MICAL2: variants seen among roughly 807,000 people sequenced by gnomAD.
The protein encoded by MICAL2 is [F-actin]-monooxygenase MICAL2.
MICAL2 carries 77 observed loss-of-function variants against 127.3 expected under a neutral mutation model. The observed-to-expected ratio is 0.60, with a 90% confidence interval of 0.50 to 0.73. The LOEUF is 0.73. Ranked by LOEUF, MICAL2 falls within the 30% of genes least tolerant of loss-of-function variation. The pLI, the probability that MICAL2 is intolerant of heterozygous loss-of-function variation, is 0.00. For missense variants in MICAL2, 1,351 were observed against 1,434.4 expected, an observed-to-expected ratio of 0.94 and a Z score of 0.94; for synonymous variants, 570 against 551.1, an observed-to-expected ratio of 1.03 and a Z score of -0.48.
intron 1 of MICAL2, among the ~76,000 whole-genome samples, chr11:12,136,453 C>T (rs1450259726): frequency 2.0e-5 from 3 of 152,106 alleles, no homozygotes; most frequent in Non-Finnish European, 4.4e-5. Flanking sequence ...GTGTTAACTA[C>T]CCAAGGCAAT....
chr11:12,239,673 C>T lies in MICAL2; in HGVS notation c.2214+88C>T, dbSNP rs184630543. On this transcript the variant is annotated intron_variant, in intron 17 of 27. Transcript: ENST00000683283. The stretch of plus-strand genomic sequence containing the variant: ...GGCTGCTGATAGACTTCAGATATGC[C>T]AGCCAGGCCTGGTCCCAAGGAGACT... 544 of 1,483,372 alleles carry T rather than the reference C, an allele frequency of 3.7e-4. 5 individuals carry two copies. The South Asian group carries it at 5.5e-3, about 15-fold the overall frequency. 91.9% of individuals were successfully genotyped at this position (1,483,372 alleles called of 1,614,324 possible).
rs1442492535 is a variant in MICAL2, at chr11:12,131,153, C to T, written c.-148-7237C>T. ...CTAAAAATACAAAAAATTAGCCGGG[C>T]GCGGTGGCGGGCGCCTGTAGTCCCA... On this transcript the variant is annotated intron_variant, in intron 1 of 27. Coordinates refer to ENST00000683283, the MANE Select transcript of MICAL2 (RefSeq NM_001282663.2). 2.3e-5 allele frequency among the ~76,000 whole-genome samples: 2 copies of T among 87,298 alleles called. 1 individual carries two copies. The highest frequency in any genetic ancestry group is 5.6e-5 in the Non-Finnish European group (2 of 35,978). 57.3% of individuals were successfully genotyped at this position (87,298 alleles called of 152,430 possible).
intron 8 of MICAL2, 73 bp downstream of exon 8, chr11:12,216,392 TGTC>T (rs1262751435): frequency 1.7e-6 from 2 of 1,182,300 alleles, no homozygotes; most frequent in East Asian, 4.7e-5. Context: ...TGAAGGCAGA[TGTC>T]GTCCTGCCAG....
upstream of MICAL2, among the ~76,000 whole-genome samples, chr11:12,272,603 ATGTAATAAGCCTCCCCAGTCTCAG>A (rs1863685642): frequency 6.6e-6 from 1 of 152,188 alleles, no homozygotes; most frequent in Non-Finnish European, 1.5e-5. Flanking sequence ...CAGTCATTCT[ATGTAATAAGCCTCCCCAGTCTCAG>A]TGGCATATGG....
At position 12,199,310 on chromosome 11, in the gene MICAL2, C is replaced by A. The variant is rs180891337; in HGVS notation, c.265-4940C>A. Among the ~76,000 whole-genome samples the A allele has an allele frequency of 5.9e-5, 9 of 152,198 alleles. No homozygotes were observed. In the East Asian group the frequency reaches 1.6e-3, roughly 26 times the overall value. ...TGCCTGGCAAATAGAATGTGCCAGG[C>A]ACCGTGCAGTTAGGTCTCACAACTG... On this transcript the variant is annotated intron_variant, in intron 3 of 27. Transcript: ENST00000683283.
intron 29 of MICAL2, among the ~76,000 whole-genome samples, chr11:12,316,670 C>G (rs1864234792): frequency 6.6e-6 from 1 of 152,024 alleles, no homozygotes; most frequent in Non-Finnish European, 1.5e-5. Context: ...GATTATCAGA[C>G]TTGTCCTGCT....
intron 3 of MICAL2, 119 bp from the exon 4 acceptor site, chr11:12,204,131 G>C: frequency 1.1e-6 from 1 of 898,078 alleles, no homozygotes; most frequent in South Asian, 1.6e-5. Context: ...TACACAGCTT[G>C]CACTTGCTGG....
At chr11:12,164,353 C>A (rs1184755622) in intron 3 of MICAL2, among the ~76,000 whole-genome samples, 2 of 152,166 alleles carry the variant, frequency 1.3e-5, no homozygotes, top group East Asian at 1.9e-4. Flanking sequence ...CTCGTAAAAA[C>A]CGCCTGAATG....
chr11:12,126,001 G>A (rs889169762), intron 1 of MICAL2, among the ~76,000 whole-genome samples: 2 of 152,170 alleles, frequency 1.3e-5, no homozygotes, highest in African/African-American at 2.4e-5. Flanking sequence ...CTGGGCCTCA[G>A]CTCCTCAGGT....
chr11:12,123,455 T>C (rs1051620100), intron 1 of MICAL2, among the ~76,000 whole-genome samples: 1 of 152,184 alleles, frequency 6.6e-6, no homozygotes, highest in Non-Finnish European at 1.5e-5. Flanking sequence ...TTTCTTGATT[T>C]TACCAGAAGG....
Position 12,242,723 on chromosome 11 carries a change from A to G in MICAL2, c.2609A>G (p.Glu870Gly). 2 of 1,612,034 alleles carry G rather than the reference A, an allele frequency of 1.2e-6. No homozygotes were observed. The highest frequency in any genetic ancestry group is 1.7e-6 in the Non-Finnish European group (2 of 1,179,298). ...NREFHTKNIK[E>G]KAAHLASMFG... Reference sequence around the variant, plus strand: ...GAATTTCACACAAAGAACATTAAGGAGAAGGCGGCTCACCTTGCCTCCATG... The same window carrying G: ...GAATTTCACACAAAGAACATTAAGGGGAAGGCGGCTCACCTTGCCTCCATG... Residue 870 changes from glutamate to glycine, a missense_variant, in exon 20 of 28, where the codon GAG becomes GGG. Coordinates refer to ENST00000683283, the MANE Select transcript of MICAL2 (RefSeq NM_001282663.2).
At chr11:12,292,480 C>T (rs148053159), downstream of MICAL2, among the ~76,000 whole-genome samples, 160 of 152,364 alleles carry the variant, frequency 1.1e-3, no homozygotes, top group African/African-American at 3.6e-3. Flanking sequence ...TTCACAAAAG[C>T]TCCTGCTGTT....
intron 29 of MICAL2, among the ~76,000 whole-genome samples, chr11:12,305,740 C>CG (rs1346347993): frequency 6.6e-6 from 1 of 152,094 alleles, no homozygotes; most frequent in Non-Finnish European, 1.5e-5. Flanking sequence ...ACTACTGTAG[C>CG]GAGTCTTCAA....
chr11:12,166,691 A>T (rs568728501), intron 3 of MICAL2, among the ~76,000 whole-genome samples: 1 of 152,290 alleles, frequency 6.6e-6, no homozygotes, highest in East Asian at 1.9e-4. Context: ...CTGATAAGTG[A>T]TCAGTAAACA....
intron 17 of MICAL2, among the ~76,000 whole-genome samples, chr11:12,239,809 A>G (rs1859617227): frequency 6.6e-6 from 1 of 152,256 alleles, no homozygotes; most frequent in Non-Finnish European, 1.5e-5. Flanking sequence ...CCATTGTAGT[A>G]TGAAAGCAGC....
At chr11:12,202,187 G>A (rs750406869) in intron 3 of MICAL2, among the ~76,000 whole-genome samples, 24 of 151,356 alleles carry the variant, frequency 1.6e-4, no homozygotes, top group African/African-American at 2.2e-4. Flanking sequence ...TCTCCTTCCC[G>A]TCTCTTCTCC....
intron 15 of MICAL2, among the ~76,000 whole-genome samples, chr11:12,235,290 G>A (rs1052783973): frequency 1.3e-5 from 2 of 152,170 alleles, no homozygotes; most frequent in Non-Finnish European, 2.9e-5. Context: ...CCTGACAGCC[G>A]AGTGCCCTTT....
In MICAL2 at chr11:12,196,222, C is replaced by T. The variant is rs906397976; in HGVS notation, c.265-8028C>T. On this transcript the variant is annotated intron_variant, in intron 3 of 27. Coordinates refer to ENST00000683283, the MANE Select transcript of MICAL2 (RefSeq NM_001282663.2). Reference sequence around the variant, plus strand: ...TGAGGTAAGAGGAGAAGAACCAAGACTGATTCCAGATTTTTGGTCTAAGCA... The same window carrying T: ...TGAGGTAAGAGGAGAAGAACCAAGATTGATTCCAGATTTTTGGTCTAAGCA... The T allele has an allele frequency of 3.3e-5, 5 of 153,216 alleles. No homozygotes were observed. In the East Asian group the frequency reaches 7.7e-4, roughly 24 times the overall value. The allele number at this position is 153,216 out of a possible 1,614,324, so 9.5% of individuals were successfully genotyped here.
At chr11:12,245,139 C>A (rs1435122151) in intron 21 of MICAL2, among the ~76,000 whole-genome samples, 1 of 152,136 alleles carries the variant, frequency 6.6e-6, no homozygotes. Context: ...GAAGGCTGGC[C>A]TCTGGAATGA....
Sources: gnomAD v4.1 joint callset for allele counts (sites outside exome capture counted in the v4.1 genomes callset) on GRCh38, gnomAD v4.1.1 for gene constraint, MANE v1.5 for transcripts, NCBI Gene and HGNC (gene_info 2026-07-23, HGNC 2026-07-21) for gene names.